CLGN: variants seen among roughly 807,000 people sequenced by gnomAD.
CLGN encodes the protein testis tissue sperm-binding protein Li 79P.
CLGN carries 62 observed loss-of-function variants against 79.1 expected under a neutral mutation model. The observed-to-expected ratio is 0.78, with a 90% CI of 0.64 to 0.97. The LOEUF is 0.97. Ranked by LOEUF, CLGN falls within the 50% of genes least tolerant of loss-of-function variation. CLGN has a pLI of 0.00. For synonymous variants in CLGN, 225 were observed against 224.7 expected, an observed-to-expected ratio of 1.00 and a Z score of -0.01; for missense variants, 647 against 715.5, an observed-to-expected ratio of 0.90 and a Z score of 1.09.
Position 140,402,030 on chromosome 4 carries a change from TC to T in CLGN, c.455del (p.Gly152GlufsTer8). The T allele has an allele frequency of 6.3e-7, 1 of 1,583,448 alleles. No individual in the cohort carries two copies. Among genetic ancestry groups the T allele is most frequent in the Non-Finnish European group, 8.6e-7 (1 of 1,162,242 alleles). On this transcript the variant is annotated frameshift_variant, in exon 6 of 15. Transcript: ENST00000325617. LOFTEE classifies it high-confidence loss of function. ...EVNFQDGIDC[G>X]GAYIKLLADT... ...CTGCTAGGAGTTTAATGTATGCACC[TC>T]CACAATCAATACCATCTTGAAAATT...
chr4:140,388,873 T>G lies in CLGN; in HGVS notation c.*351A>C, dbSNP rs1728722547. 1 of 192,846 alleles carries G rather than the reference T, an allele frequency of 5.2e-6. No homozygotes were observed. The highest frequency in any genetic ancestry group is 1.1e-5 in the Non-Finnish European group (1 of 93,392). 11.9% of individuals were successfully genotyped at this position (192,846 alleles called of 1,614,324 possible). ...TTATATTGTTGTATAGCCATTTAAGTGGAAATTCCAATAACTGATTTTTCC... is the reference window on the plus strand; with the variant it reads ...TTATATTGTTGTATAGCCATTTAAGGGGAAATTCCAATAACTGATTTTTCC... On this transcript the variant is annotated 3_prime_UTR_variant, in exon 15 of 15. Transcript: ENST00000325617.
intron 1 of CLGN, among the ~76,000 whole-genome samples, chr4:140,418,331 C>A (rs1729388189): frequency 6.7e-6 from 1 of 148,334 alleles, no homozygotes; most frequent in Non-Finnish European, 1.5e-5. Flanking sequence ...GCAATGGCAA[C>A]AAAAGCCAAA....
chr4:140,413,107 T>G lies in CLGN; in HGVS notation c.-9-20A>C, dbSNP rs538001167. On this transcript the variant is annotated intron_variant, in intron 1 of 14. Transcript: ENST00000325617. ...GATTATCTGTGAAATTAAAAGTAAT[T>G]AGTGAAAATAAAACAAAATTGTGAA... The G allele has an allele frequency of 5.4e-5, 86 of 1,588,614 alleles. 2 individuals are homozygous for G. The South Asian group carries it at 9.8e-4, about 18-fold the overall frequency.
intron 8 of CLGN, among the ~76,000 whole-genome samples, chr4:140,396,668 T>C (rs534534992): frequency 6.6e-6 from 1 of 151,756 alleles, no homozygotes; most frequent in African/African-American, 2.4e-5. Context: ...GCAATTCTCC[T>C]GCCTCAGCCT....
chr4:140,425,028 G>C (rs889500772), intron 1 of CLGN, among the ~76,000 whole-genome samples: 1 of 152,112 alleles, frequency 6.6e-6, no homozygotes, highest in Non-Finnish European at 1.5e-5. Context: ...TCATGTACTG[G>C]TATTGAAGTA....
intron 4 of CLGN, among the ~76,000 whole-genome samples, chr4:140,408,860 CATATATATATATATATATATAT>C (rs112593782): frequency 7.2e-6 from 1 of 138,398 alleles, no homozygotes; most frequent in Non-Finnish European, 1.6e-5. Context: ...AGTTGATAAG[CATATATATATATATATATATAT>C]ATACACACAC....
intron 1 of CLGN, among the ~76,000 whole-genome samples, chr4:140,417,915 T>A (rs1245634383): frequency 6.6e-6 from 1 of 151,528 alleles, no homozygotes; most frequent in Admixed American, 6.6e-5. Context: ...GCCAAAAGAA[T>A]AAAGCTGGAG....
At chr4:140,400,277 T>G in intron 7 of CLGN, 80 bp downstream of exon 7, 1 of 1,048,420 alleles carries the variant, frequency 9.5e-7, no homozygotes, top group South Asian at 1.4e-5. Flanking sequence ...ACACATTTGT[T>G]TTCTTGTAAA....
rs749654967 is a variant in CLGN, at chr4:140,392,666, A to G, written c.1411T>C (p.Trp471Arg). Residue 471 changes from tryptophan to arginine, a missense_variant, in exon 12 of 15, where the codon TGG (tryptophan) becomes CGG (arginine). Coordinates refer to ENST00000325617, the MANE Select transcript of CLGN (RefSeq NM_004362.3). ...GTCACAAGATAAATCAACCAAAGCC[A>G]TGGGTGCCCTTCAGCAGCTGCCATT... ...QLMAAAEGHP[W>R]LWLIYLVTAG... 2 of 1,610,848 alleles carry G rather than the reference A, an allele frequency of 1.2e-6. No homozygotes were observed. The highest frequency in any genetic ancestry group is 1.7e-5 in the Admixed American group (1 of 59,286).
At chr4:140,419,977 G>T (rs1729432671) in intron 1 of CLGN, among the ~76,000 whole-genome samples, 1 of 152,066 alleles carries the variant, frequency 6.6e-6, no homozygotes, top group Non-Finnish European at 1.5e-5. Context: ...CATAGTAAAA[G>T]GCACTTTGCT....
intron 4 of CLGN, among the ~76,000 whole-genome samples, chr4:140,407,970 T>A (rs1284911215): frequency 6.6e-6 from 1 of 152,010 alleles, no homozygotes; most frequent in African/African-American, 2.4e-5. Context: ...ATGGTAATGG[T>A]CTCAGGTAGA....
chr4:140,418,073 A>G (rs1288718097), intron 1 of CLGN, among the ~76,000 whole-genome samples: 5 of 151,680 alleles, frequency 3.3e-5, no homozygotes, highest in African/African-American at 7.3e-5. Flanking sequence ...CTGATCTTTG[A>G]CAAACCTGAG....
At chr4:140,427,439 G>C (rs3899077) in intron 1 of CLGN, 98 bp downstream of exon 1, 1 of 152,360 alleles carries the variant, frequency 6.6e-6, no homozygotes, top group Non-Finnish European at 1.5e-5. Context: ...GCAAAGTAAC[G>C]GGGTGCCTGG....
At chr4:140,411,889 C>A (rs141595854) in intron 2 of CLGN, among the ~76,000 whole-genome samples, 2 of 152,172 alleles carry the variant, frequency 1.3e-5, no homozygotes, top group South Asian at 4.1e-4. Flanking sequence ...TTATACTTCA[C>A]CCTATGTAGA....
At position 140,409,870 on chromosome 4, in the gene CLGN, C is replaced by G. The variant is rs754034859; in HGVS notation, c.244G>C (p.Asp82His). Residue 82 changes from aspartate to histidine, a missense_variant, in exon 4 of 15, where the codon GAT (aspartate) becomes CAT (histidine). By Grantham distance (81) the Asp-to-His change is moderately conservative. Coordinates refer to ENST00000325617, the MANE Select transcript of CLGN (RefSeq NM_004362.3). ...ATTGAAATTTCCTCATCCATGTCAT[C>G]TTTCTTTGCTTTTGATAAGACCCAT... ...AGWVLSKAKK[D>H]DMDEEISIYD... 6.3e-7 allele frequency: 1 copy of G among 1,598,854 alleles called. No homozygotes were observed. The highest frequency in any genetic ancestry group is 8.6e-7 in the Non-Finnish European group (1 of 1,169,166).
At chr4:140,413,403 G>T (rs377277337) in intron 1 of CLGN, among the ~76,000 whole-genome samples, 1 of 152,220 alleles carries the variant, frequency 6.6e-6, no homozygotes, top group East Asian at 1.9e-4. Context: ...CAGTGTGAGC[G>T]ACGCAGAAGA....
rs555215079 is a variant in CLGN, at chr4:140,400,652, G to C, written c.502-103C>G. On this transcript the variant is annotated intron_variant, in intron 6 of 14. Transcript: ENST00000325617. ...TAGAGTTTACAAAAATATATTAAATGGTAATTCACCAGAGAGCTAGCTATT... is the reference window on the plus strand; with the variant it reads ...TAGAGTTTACAAAAATATATTAAATCGTAATTCACCAGAGAGCTAGCTATT... 8.4e-4 allele frequency: 562 copies of C among 666,478 alleles called. 4 individuals carry two copies. The South Asian group carries it at 0.012, about 15-fold the overall frequency. 41.3% of individuals were successfully genotyped at this position (666,478 alleles called of 1,614,324 possible). A position where few individuals can be genotyped will look rare whatever the true frequency, so the allele number is the denominator to read the frequency against.
intron 2 of CLGN, among the ~76,000 whole-genome samples, chr4:140,411,574 T>C (rs1202802697): frequency 6.6e-6 from 1 of 152,090 alleles, no homozygotes; most frequent in Non-Finnish European, 1.5e-5. Flanking sequence ...GTGAGATTTC[T>C]TCCAGTAGGC....
At chr4:140,410,776 C>T (rs757488710) in intron 2 of CLGN, 150 bp from the exon 3 acceptor site, 164 of 579,836 alleles carry the variant, frequency 2.8e-4, no homozygotes, top group Non-Finnish European at 4.6e-4. Context: ...AAACTTTGTA[C>T]CTAGTAATGA....
Sources: allele counts gnomAD v4.1 joint callset (sites outside exome capture counted in the v4.1 genomes callset), GRCh38; gene constraint gnomAD v4.1.1; transcripts MANE v1.5; gene names NCBI Gene and HGNC (gene_info 2026-07-23, HGNC 2026-07-21).